Variants in ITPR2 observed in about 807,000 individuals in gnomAD.
ITPR2 encodes the protein inositol 1,4,5-trisphosphate-gated calcium channel ITPR2.
A neutral mutation model predicts 317.1 loss-of-function variants in ITPR2; 207 were observed. That is an observed-to-expected ratio of 0.65 (90% CI 0.58 to 0.73). ITPR2 has a LOEUF of 0.73. ITPR2 is among the 30% of genes least tolerant of loss of function. ITPR2 has a pLI of 0.00. For missense variants in ITPR2, 2,613 were observed against 3,284.0 expected (o/e 0.80, Z 4.99); for synonymous variants, 1,156 against 1,149.1 (o/e 1.01, Z -0.12).
In ITPR2 at chr12:26,717,826, A is replaced by G. The variant is rs138234333; in HGVS notation, c.526-1584T>C. On this transcript the variant is annotated intron_variant, in intron 5 of 56. Coordinates refer to ENST00000381340, the MANE Select transcript of ITPR2 (RefSeq NM_002223.4). The stretch of plus-strand genomic sequence containing the variant: ...TTCTATCTTTGAACCATGAATTGGT[A>G]TCCCTTTTAAAAATTAAATTATGAG... Among the ~76,000 whole-genome samples, 144 of 152,340 alleles carry G rather than the reference A, an allele frequency of 9.5e-4. 1 individual carries two copies. Among genetic ancestry groups the G allele is most frequent in the Non-Finnish European group, 1.6e-3 (107 of 68,042 alleles).
intron 33 of ITPR2, among the ~76,000 whole-genome samples, chr12:26,579,689 A>C (rs890118866): frequency 6.6e-6 from 1 of 152,146 alleles, no homozygotes; most frequent in Non-Finnish European, 1.5e-5. Flanking sequence ...AATCTTTGTT[A>C]ATTCTTTTAG....
intron 36 of ITPR2, among the ~76,000 whole-genome samples, chr12:26,554,850 G>C (rs150563201): frequency 6.8e-4 from 104 of 151,878 alleles, no homozygotes; most frequent in African/African-American, 2.4e-3. Context: ...GCATGTATGT[G>C]CAGTGGTGAA....
At chr12:26,774,741 C>A (rs34512038) in intron 2 of ITPR2, among the ~76,000 whole-genome samples, 31,120 of 152,194 alleles carry the variant, frequency 0.2, 3,842 homozygotes, top group Non-Finnish European at 0.28. Context: ...AGACAATTTC[C>A]AACATGCGAA....
rs115051116 is a variant in ITPR2 at position 26,688,135 on chromosome 12, A to G, written c.997-1503T>C. 7.5e-3 allele frequency among the ~76,000 whole-genome samples: 1,136 copies of G among 152,224 alleles called. 15 individuals carry two copies. The highest frequency in any genetic ancestry group is 0.026 in the African/African-American group (1,087 of 41,538). On this transcript the variant is annotated intron_variant, in intron 10 of 56. Coordinates refer to ENST00000381340, the MANE Select transcript of ITPR2 (RefSeq NM_002223.4). ...ACTATAGTCTCGCTCTCCAGGGCTCAAGAGATCCTCCCACCTCGGCCTCCT... is the reference window on the plus strand; with the variant it reads ...ACTATAGTCTCGCTCTCCAGGGCTCGAGAGATCCTCCCACCTCGGCCTCCT...
chr12:26,800,106 A>C (rs1369419822), intron 1 of ITPR2, among the ~76,000 whole-genome samples: 1 of 152,176 alleles, frequency 6.6e-6, no homozygotes, highest in Admixed American at 6.5e-5. Flanking sequence ...TTCCAAGTAC[A>C]GACACCTCCC....
chr12:26,491,088 G>T (rs1942789913), intron 39 of ITPR2, among the ~76,000 whole-genome samples: 1 of 152,130 alleles, frequency 6.6e-6, no homozygotes, highest in Non-Finnish European at 1.5e-5. Context: ...GGGAAAGTTG[G>T]AAAATTTGAA....
intron 2 of ITPR2, among the ~76,000 whole-genome samples, chr12:26,786,507 A>G (rs554205965): frequency 1.3e-5 from 2 of 151,876 alleles, no homozygotes; most frequent in African/African-American, 4.8e-5. Flanking sequence ...TTTTATTCGC[A>G]TAAGAAAAAG....
At chr12:26,629,781 C>A (rs1185261405) in intron 22 of ITPR2, among the ~76,000 whole-genome samples, 2 of 151,936 alleles carry the variant, frequency 1.3e-5, no homozygotes, top group Non-Finnish European at 2.9e-5. Context: ...ACCCACCCAG[C>A]CTTTGCTAGA....
intron 49 of ITPR2, among the ~76,000 whole-genome samples, chr12:26,426,656 C>A (rs973580872): frequency 2.6e-5 from 4 of 151,930 alleles, no homozygotes; most frequent in African/African-American, 9.7e-5. Flanking sequence ...ATTTGGTTGC[C>A]TGAATGTTCT....
chr12:26,438,947 C>T (rs1057101749), intron 47 of ITPR2, among the ~76,000 whole-genome samples, 180 bp downstream of exon 47: 6 of 152,218 alleles, frequency 3.9e-5, no homozygotes, highest in Admixed American at 2.6e-4. Flanking sequence ...CCTTAAGCTG[C>T]GGGTGTCTCG....
intron 32 of ITPR2, among the ~76,000 whole-genome samples, chr12:26,590,274 T>A (rs1215385240): frequency 6.6e-6 from 1 of 152,194 alleles, no homozygotes; most frequent in Non-Finnish European, 1.5e-5. Context: ...TTTTGTCGTT[T>A]CAAAATAGGT....
chr12:26,378,596 G>T (rs771806644), intron 55 of ITPR2, among the ~76,000 whole-genome samples: 4 of 152,162 alleles, frequency 2.6e-5, no homozygotes, highest in Non-Finnish European at 5.9e-5. Flanking sequence ...ACCAGAGTTC[G>T]TTCTGATTTG....
chr12:26,743,663 C>T (rs531226981), intron 2 of ITPR2, among the ~76,000 whole-genome samples: 61 of 152,112 alleles, frequency 4.0e-4, no homozygotes, highest in African/African-American at 1.3e-3. Flanking sequence ...GAGGCCGAGG[C>T]GGGGGGATCA....
chr12:26,609,579 G>C (rs1177597592), intron 26 of ITPR2, among the ~76,000 whole-genome samples: 1 of 152,038 alleles, frequency 6.6e-6, no homozygotes, highest in African/African-American at 2.4e-5. Flanking sequence ...ACTCCAGCCT[G>C]AATGACAGAG....
At chr12:26,674,474 G>C (rs1475499708) in intron 13 of ITPR2, among the ~76,000 whole-genome samples, 1 of 152,258 alleles carries the variant, frequency 6.6e-6, no homozygotes, top group East Asian at 1.9e-4. Flanking sequence ...AAATGGTGCT[G>C]GGAAAACTGG....
At chr12:26,672,778 A>T (rs1307440643) in intron 13 of ITPR2, among the ~76,000 whole-genome samples, 1 of 152,142 alleles carries the variant, frequency 6.6e-6, no homozygotes, top group Non-Finnish European at 1.5e-5. Flanking sequence ...TTTTGAAAGG[A>T]TCAACAAAAT....
intron 2 of ITPR2, among the ~76,000 whole-genome samples, chr12:26,743,446 T>C (rs992620639): frequency 2.0e-5 from 3 of 152,244 alleles, no homozygotes; most frequent in African/African-American, 7.2e-5. Flanking sequence ...TTTTGTTGAA[T>C]GTATTTCAGC....
intron 34 of ITPR2, among the ~76,000 whole-genome samples, chr12:26,564,892 C>A (rs1260937075): frequency 3.9e-5 from 6 of 152,048 alleles, no homozygotes; most frequent in Admixed American, 2.6e-4. Context: ...AATTTATGGC[C>A]AGCCGTAGAA....
intron 37 of ITPR2, among the ~76,000 whole-genome samples, chr12:26,511,368 C>G (rs1035146379): frequency 3.0e-4 from 45 of 152,222 alleles, no homozygotes; most frequent in Non-Finnish European, 7.3e-5. Context: ...CACACTCATA[C>G]AGTACTCTGG....
Sources: gnomAD v4.1 joint callset for allele counts (sites outside exome capture counted in the v4.1 genomes callset) on GRCh38, gnomAD v4.1.1 for gene constraint, MANE v1.5 for transcripts, NCBI Gene and HGNC (gene_info 2026-07-23, HGNC 2026-07-21) for gene names.